ABCC10: variants seen among roughly 807,000 people sequenced by gnomAD.
The protein encoded by ABCC10 is ATP-binding cassette sub-family C member 10.
In ABCC10, 110 loss-of-function variants were observed where a neutral mutation model predicts 143.2. The observed-to-expected ratio is 0.77, with a 90% CI of 0.66 to 0.90. The LOEUF (loss-of-function observed/expected upper bound fraction) is 0.90, where lower values mean the gene tolerates loss of function less well. ABCC10 is among the 40% of genes least tolerant of loss of function. The probability of loss-of-function intolerance (pLI) is 0.00; values close to 1 mark genes in which losing one functional copy is unlikely to be tolerated. For missense variants in ABCC10, 1,700 were observed against 1,900.5 expected (o/e 0.89, Z 1.96); for synonymous variants, 805 against 846.7 (o/e 0.95, Z 0.85).
chr6:43,431,528 T>G (rs1420541427), intron 2 of ABCC10, among the ~76,000 whole-genome samples: 1 of 151,904 alleles, frequency 6.6e-6, no homozygotes, highest in East Asian at 1.9e-4. Flanking sequence ...GCCTGGCTAA[T>G]TTTTGCATTT....
At chr6:43,431,187 A>G (rs977827636) in intron 2 of ABCC10, among the ~76,000 whole-genome samples, 1 of 152,244 alleles carries the variant, frequency 6.6e-6, no homozygotes, top group Non-Finnish European at 1.5e-5. Flanking sequence ...AAGAGAGTAG[A>G]ATATTCCAAG....
At chr6:43,434,574 T>C (rs771397832) in intron 3 of ABCC10, 47 bp from the exon 4 acceptor site, 2 of 1,545,372 alleles carry the variant, frequency 1.3e-6, no homozygotes, top group Admixed American at 1.7e-5. Flanking sequence ...GGAAGACACA[T>C]GAGCAGTGCC....
Position 43,432,290 on chromosome 6 carries a change from G to T in ABCC10, c.310G>T (p.Ala104Ser). 1.2e-6 allele frequency: 2 copies of T among 1,614,218 alleles called. No homozygotes were observed. Among genetic ancestry groups the T allele is most frequent in the Non-Finnish European group, 1.7e-6 (2 of 1,180,038 alleles). The change falls in exon 3 of 22, where the codon GCA (alanine) becomes TCA (serine). Residue 104 changes from alanine (A) to serine (S), a missense_variant. Transcript: ENST00000372530. ...GPGPIGLEVLAGCVAAVAWIS... is the reference protein window; with the variant it reads ...GPGPIGLEVLSGCVAAVAWIS... The stretch of plus-strand genomic sequence containing the variant: ...AGGACCCATAGGGCTAGAGGTGTTG[G>T]CAGGGTGCGTGGCAGCTGTGGCCTG...
chr6:43,438,319 G>A, intron 7 of ABCC10: 1 of 1,397,682 alleles, frequency 7.2e-7, no homozygotes, highest in Non-Finnish European at 9.3e-7. Flanking sequence ...TAGGTTTGAG[G>A]GAGGACCTTG....
At chr6:43,437,761 C>G (rs1449297492) in intron 6 of ABCC10, among the ~76,000 whole-genome samples, 173 bp from the exon 7 acceptor site, 2 of 152,022 alleles carry the variant, frequency 1.3e-5, no homozygotes, top group Non-Finnish European at 2.9e-5. Flanking sequence ...TTTTCTAGAG[C>G]CTGATTTGTT....
downstream of ABCC10, chr6:43,451,847 G>A: frequency 6.6e-7 from 1 of 1,525,208 alleles, no homozygotes; most frequent in Non-Finnish European, 8.8e-7. This position sits in a 1 kb window ranked among gnomAD's most constrained non-coding sequence, Gnocchi z 4.4. Flanking sequence ...CTGACTCTCA[G>A]TCCCCCACCC....
chr6:43,434,246 T>C (rs867989303), intron 3 of ABCC10, among the ~76,000 whole-genome samples: 19 of 152,214 alleles, frequency 1.2e-4, no homozygotes, highest in African/African-American at 4.1e-4. Flanking sequence ...GAAGCCCACA[T>C]CTTTTGGTTT....
intron 9 of ABCC10, among the ~76,000 whole-genome samples, chr6:43,442,677 G>A (rs899351115): frequency 6.6e-6 from 1 of 152,048 alleles, no homozygotes; most frequent in Non-Finnish European, 1.5e-5. Context: ...GCTGCAGTGA[G>A]TGGTGTTCAT....
rs1231505702 is a variant in ABCC10 at position 43,432,978 on chromosome 6, G to A, written c.998G>A (p.Gly333Glu). Residue 333 changes from glycine (G) to glutamate (E), a missense_variant, in exon 3 of 22, where the codon GGG becomes GAG. Transcript: ENST00000372530. ...GLLYALGLAGGAVLGAVLQNQ... is the reference protein window; with the variant it reads ...GLLYALGLAGEAVLGAVLQNQ... ...CTCTATGCTCTGGGGCTAGCCGGTGGGGCTGTGCTGGGTGCTGTGCTGCAG... is the reference window on the plus strand; with the variant it reads ...CTCTATGCTCTGGGGCTAGCCGGTGAGGCTGTGCTGGGTGCTGTGCTGCAG... 4 of 1,614,070 alleles carry A rather than the reference G, an allele frequency of 2.5e-6. No individual in the cohort carries two copies. The highest frequency in any genetic ancestry group is 1.7e-5 in the Admixed American group (1 of 60,010).
At chr6:43,441,795 A>G in intron 8 of ABCC10, 67 bp from the exon 9 acceptor site, 1 of 1,336,658 alleles carries the variant, frequency 7.5e-7, no homozygotes, top group Non-Finnish European at 1.1e-6. Flanking sequence ...ATCTCCTGCA[A>G]AGGGATAGGA....
At position 43,441,947 on chromosome 6, in the gene ABCC10, G is replaced by A. The variant is rs757189478; in HGVS notation, c.2213G>A (p.Arg738His). 9.9e-6 allele frequency: 16 copies of A among 1,613,672 alleles called. No individual in the cohort carries two copies. Among genetic ancestry groups the A allele is most frequent in the East Asian group, 4.5e-5 (2 of 44,874 alleles). ...GGQRARIALA[R>H]AVYQEKELYL... ...CAGCGTGCCCGGATTGCCCTTGCTC[G>A]TGCTGTCTACCAGGTCAGTTAAAGA... The change falls in exon 9 of 22, where the codon CGT becomes CAT. Residue 738 changes from arginine (R) to histidine (H), a missense_variant. Physicochemically the swap from Arg to His is conservative, Grantham distance 29. Transcript: ENST00000372530.
At chr6:43,435,499 CT>C (rs1781589710) in intron 4 of ABCC10, among the ~76,000 whole-genome samples, 1 of 152,042 alleles carries the variant, frequency 6.6e-6, no homozygotes, top group Non-Finnish European at 1.5e-5. Context: ...TGCCACTGCA[CT>C]CCAGCTTAGG....
In ABCC10 at chr6:43,444,787, G is replaced by A; in HGVS notation, c.2690-1G>A. 6.3e-7 allele frequency: 1 copy of A among 1,588,510 alleles called. No individual in the cohort carries two copies. Among genetic ancestry groups the A allele is most frequent in the Non-Finnish European group, 8.6e-7 (1 of 1,168,462 alleles). On this transcript the variant is annotated splice_acceptor_variant, in intron 12 of 21. Transcript: ENST00000372530. LOFTEE classifies it high-confidence loss of function. The stretch of plus-strand genomic sequence containing the variant: ...GCTTTTTCCTTCCTGTCCCCACCCA[G>A]CCACGCGGAACGCTGCTGACTGGTG...
intron 4 of ABCC10, among the ~76,000 whole-genome samples, chr6:43,435,525 T>C (rs577626247): frequency 1.3e-5 from 2 of 151,608 alleles, no homozygotes; most frequent in East Asian, 3.9e-4. Flanking sequence ...AGAGCAAGAC[T>C]CGTCAAGAAA....
chr6:43,443,506 A>C lies in ABCC10; in HGVS notation c.2416+347A>C. On this transcript the variant is annotated intron_variant, in intron 10 of 21. Coordinates refer to ENST00000372530, the MANE Select transcript of ABCC10 (RefSeq NM_001198934.2). This position sits in a 1 kb window ranked among gnomAD's most constrained non-coding sequence, Gnocchi z 4.2. ...AATTTTTAAACTCTGAAAGATTTTT[A>C]TGCAGAGGGATGTGACCACCTGCAA... 1 of 284,720 alleles carries C rather than the reference A, an allele frequency of 3.5e-6. No homozygotes were observed. The highest frequency in any genetic ancestry group is 6.6e-6 in the Non-Finnish European group (1 of 152,378). The allele number at this position is 284,720 out of a possible 1,614,324, so 17.6% of individuals were successfully genotyped here.
At position 43,444,078 on chromosome 6, in the gene ABCC10, G is replaced by A. The variant is rs774689470; in HGVS notation, c.2494+68G>A. 3.1e-5 allele frequency: 50 copies of A among 1,608,386 alleles called. No homozygotes were observed. The Middle Eastern group carries it at 6.6e-4, about 21-fold the overall frequency. ...CACACTGTAGAGCTTTTTCTACAAC[G>A]GCTGCCCGCTCCTCTGAAATACTGA... On this transcript the variant is annotated intron_variant, in intron 11 of 21. Transcript: ENST00000372530.
At position 43,445,890 on chromosome 6, in the gene ABCC10, G is replaced by T. The variant is rs1783011055; in HGVS notation, c.3322G>T (p.Ala1108Ser). ...CCTGTCTCCACTGTATAGCCATCTG[G>T]CCGATACCTTGGCTGGCCTCTCTGT... ...LTLSPLYSHL[A>S]DTLAGLSVLR... The change falls in exon 15 of 22, where the codon GCC becomes TCC. Residue 1108 changes from alanine to serine, a missense_variant. By Grantham distance (99) the Ala-to-Ser change is moderately conservative. Coordinates refer to ENST00000372530, the MANE Select transcript of ABCC10 (RefSeq NM_001198934.2). 1 of 1,613,690 alleles carries T rather than the reference G, an allele frequency of 6.2e-7. No individual in the cohort carries two copies. The highest frequency in any genetic ancestry group is 8.5e-7 in the Non-Finnish European group (1 of 1,179,880).
At chr6:43,444,058 T>G (rs377302043) in intron 11 of ABCC10, 48 bp downstream of exon 11, 10 of 1,609,012 alleles carry the variant, frequency 6.2e-6, no homozygotes, top group Middle Eastern at 3.3e-4. Flanking sequence ...CCTGCCACAC[T>G]GTAGAGCTTT....
At chr6:43,440,983 G>A (rs528700059) in intron 8 of ABCC10, among the ~76,000 whole-genome samples, 22 of 151,328 alleles carry the variant, frequency 1.5e-4, no homozygotes, top group African/African-American at 4.4e-4. Context: ...CACACCTGTA[G>A]TCCTAGCTAC....
Sources: allele counts gnomAD v4.1 joint callset (sites outside exome capture counted in the v4.1 genomes callset), GRCh38; gene constraint gnomAD v4.1.1; non-coding constraint Gnocchi (gnomAD v3.1); transcripts MANE v1.5; gene names NCBI Gene and HGNC (gene_info 2026-07-23, HGNC 2026-07-21).